CPNE4: variants seen among roughly 807,000 people sequenced by gnomAD.
CPNE4 encodes the protein copine 4.
In CPNE4, 25 loss-of-function variants were observed where a neutral mutation model predicts 67.9. That is an observed-to-expected ratio of 0.37 (90% CI 0.27 to 0.51). CPNE4 has a LOEUF of 0.51. Among genes scored for constraint, CPNE4 ranks in the 20% least tolerant of loss-of-function variants. CPNE4 has a pLI of 0.93. For missense variants in CPNE4, 464 were observed against 690.8 expected (o/e 0.67, Z 3.68); for synonymous variants, 242 against 244.9 (o/e 0.99, Z 0.11).
At chr3:132,007,156 T>C (rs76192647) in intron 1 of CPNE4, among the ~76,000 whole-genome samples, 3,825 of 152,282 alleles carry the variant, frequency 0.025, 163 homozygotes, top group African/African-American at 0.086. Flanking sequence ...AAGAGTATGA[T>C]GTTGTTCTAG....
chr3:131,859,071 A>G (rs1013738380), intron 2 of CPNE4, among the ~76,000 whole-genome samples: 2 of 152,162 alleles, frequency 1.3e-5, no homozygotes, highest in Admixed American at 6.6e-5. Flanking sequence ...AACATTTATT[A>G]TATTTTTCTT....
chr3:131,641,790 G>A (rs569095428), intron 7 of CPNE4, among the ~76,000 whole-genome samples: 4 of 152,230 alleles, frequency 2.6e-5, no homozygotes, highest in African/African-American at 7.2e-5. Context: ...TGGATAAATT[G>A]TGGTATTTAT....
chr3:131,653,771 A>T (rs908555209), intron 7 of CPNE4, among the ~76,000 whole-genome samples: 16 of 152,222 alleles, frequency 1.1e-4, no homozygotes, highest in Non-Finnish European at 5.9e-5. Context: ...TTCTTGGCTT[A>T]GACACTTGAA....
chr3:131,697,226 C>T (rs1021814408), intron 4 of CPNE4, among the ~76,000 whole-genome samples: 1 of 152,046 alleles, frequency 6.6e-6, no homozygotes, highest in Non-Finnish European at 1.5e-5. Flanking sequence ...GGTCATTTTC[C>T]AATACTTAAT....
chr3:132,009,965 AC>A (rs2073709290), intron 1 of CPNE4, among the ~76,000 whole-genome samples: 1 of 152,180 alleles, frequency 6.6e-6, no homozygotes, highest in South Asian at 2.1e-4. Flanking sequence ...GAAGTTGAGA[AC>A]CCTTGGGTTA....
intron 1 of CPNE4, among the ~76,000 whole-genome samples, chr3:132,008,561 A>T (rs928058731): frequency 2.0e-5 from 3 of 152,134 alleles, no homozygotes; most frequent in Non-Finnish European, 4.4e-5. Flanking sequence ...AAGCCCCATG[A>T]TGTTTCCATA....
chr3:131,800,019 G>T (rs1160061604), intron 2 of CPNE4, among the ~76,000 whole-genome samples: 6 of 151,536 alleles, frequency 4.0e-5, no homozygotes, highest in African/African-American at 1.2e-4. Flanking sequence ...GATTCAGAGG[G>T]TACATATGCA....
At chr3:131,896,904 G>C (rs1229008973) in intron 2 of CPNE4, among the ~76,000 whole-genome samples, 1 of 151,960 alleles carries the variant, frequency 6.6e-6, no homozygotes, top group African/African-American at 2.4e-5. Context: ...TAAAATCCAT[G>C]GCCAGAAAAA....
At chr3:131,995,391 G>T (rs2073265533) in intron 1 of CPNE4, among the ~76,000 whole-genome samples, 1 of 152,036 alleles carries the variant, frequency 6.6e-6, no homozygotes, top group Admixed American at 6.6e-5. Context: ...CCCCTTCAAG[G>T]TTCTGTGGAG....
At chr3:131,943,497 TTAC>T (rs989926057) in intron 1 of CPNE4, among the ~76,000 whole-genome samples, 2 of 152,168 alleles carry the variant, frequency 1.3e-5, no homozygotes, top group Non-Finnish European at 2.9e-5. Flanking sequence ...AATGTTTATA[TTAC>T]TACTATTTGT....
chr3:131,752,330 T>C (rs2082650034), intron 2 of CPNE4, among the ~76,000 whole-genome samples: 1 of 152,148 alleles, frequency 6.6e-6, no homozygotes, highest in African/African-American at 2.4e-5. Flanking sequence ...CTAGAGTAAT[T>C]ATTGTCTAGA....
At chr3:131,810,699 AT>A (rs890220013) in intron 2 of CPNE4, among the ~76,000 whole-genome samples, 8 of 152,264 alleles carry the variant, frequency 5.3e-5, no homozygotes, top group African/African-American at 1.4e-4. Context: ...ATCCAAAAGA[AT>A]TGAAATTCGG....
chr3:131,629,148 G>A (rs1434056428), intron 7 of CPNE4, among the ~76,000 whole-genome samples: 2 of 152,062 alleles, frequency 1.3e-5, no homozygotes, highest in Admixed American at 6.6e-5. Context: ...TGCCTTCATT[G>A]AGACTTATTC....
chr3:132,029,193 G>GTTGTTT, intron 1 of CPNE4, among the ~76,000 whole-genome samples: 1 of 152,088 alleles, frequency 6.6e-6, no homozygotes, highest in African/African-American at 2.4e-5. Context: ...GAAACAAAGG[G>GTTGTTT]CGATCAGACC....
chr3:131,804,807 C>T (rs2084253002), intron 2 of CPNE4, among the ~76,000 whole-genome samples: 1 of 152,232 alleles, frequency 6.6e-6, no homozygotes, highest in Non-Finnish European at 1.5e-5. Context: ...GAACAAGTGA[C>T]ATGTGGCCCA....
chr3:131,898,224 G>A, intron 2 of CPNE4, among the ~76,000 whole-genome samples: 1 of 152,054 alleles, frequency 6.6e-6, no homozygotes, highest in East Asian at 1.9e-4. Flanking sequence ...TCAATCTAGA[G>A]GCAGAAGACT....
At chr3:131,785,856 T>C (rs1169255463) in intron 2 of CPNE4, among the ~76,000 whole-genome samples, 1 of 152,102 alleles carries the variant, frequency 6.6e-6, no homozygotes. Flanking sequence ...AAGCCATAAG[T>C]TCTAGGATAC....
intron 6 of CPNE4, among the ~76,000 whole-genome samples, chr3:131,670,362 T>A (rs539284095): frequency 6.6e-6 from 1 of 152,298 alleles, no homozygotes; most frequent in African/African-American, 2.4e-5. Context: ...ACAAAGCAGA[T>A]CTTAAGATTA....
At chr3:131,573,530 C>T (rs190175694) in intron 10 of CPNE4, among the ~76,000 whole-genome samples, 3 of 152,072 alleles carry the variant, frequency 2.0e-5, no homozygotes, top group Non-Finnish European at 4.4e-5. Flanking sequence ...AGAGCAAGCC[C>T]CTGAAGGTTG....
Sources: gnomAD v4.1 joint callset for allele counts (sites outside exome capture counted in the v4.1 genomes callset) on GRCh38, gnomAD v4.1.1 for gene constraint, MANE v1.5 for transcripts, NCBI Gene and HGNC (gene_info 2026-07-23, HGNC 2026-07-21) for gene names.